Variants in MORC4 observed in about 807,000 individuals in gnomAD.
MORC4 encodes MORC family CW-type zinc finger 4.
Under a neutral mutation model 65.5 loss-of-function variants are expected in MORC4, and 22 were observed. That is an observed-to-expected ratio of 0.34 (90% CI 0.24 to 0.48). The LOEUF (loss-of-function observed/expected upper bound fraction) is 0.48, where lower values mean the gene tolerates loss of function less well. Among genes scored for constraint, MORC4 ranks in the 20% least tolerant of loss-of-function variants. The probability of loss-of-function intolerance (pLI) is 0.99; values close to 1 mark genes in which losing one functional copy is unlikely to be tolerated. For missense variants in MORC4, 624 were observed against 703.0 expected (o/e 0.89, Z 1.27); for synonymous variants, 267 against 255.8 (o/e 1.04, Z -0.42).
intron 9 of MORC4, among the ~76,000 whole-genome samples, chrX:106,976,130 A>G (rs1050288150): frequency 1.8e-5 from 2 of 111,917 alleles, no homozygotes; most frequent in African/African-American, 6.5e-5. Context: ...TGCCTGCCCT[A>G]TTAAATCTAG....
chrX:106,993,344 T>C lies in MORC4; in HGVS notation c.194A>G (p.Asp65Gly), dbSNP rs1935014970. The C allele has an allele frequency of 1.2e-5, 15 of 1,208,727 alleles. No individual in the cohort carries two copies. The highest frequency in any genetic ancestry group is 1.7e-5 in the Non-Finnish European group (15 of 893,734). ...TATAAAGACCGTCCTGGCAGATACA[T>C]CTGGATCTACAGCATTATCTGCAAA... Reference protein sequence around the residue: ...AELLDNAVDPDVSARTVFIDV... With the variant: ...AELLDNAVDPGVSARTVFIDV... The change falls in exon 3 of 17, where the codon GAT becomes GGT. Residue 65 changes from aspartate (D) to glycine (G), a missense_variant. By Grantham distance (94) the Asp-to-Gly change is moderately conservative. Coordinates refer to ENST00000355610, the MANE Select transcript of MORC4 (RefSeq NM_024657.5).
In MORC4 at chrX:106,976,600, A is replaced by G. The variant is rs775847903; in HGVS notation, c.1141T>C (p.Tyr381His). ...KPAYNKQDFEYTKEYRLTINA... is the reference protein window; with the variant it reads ...KPAYNKQDFEHTKEYRLTINA... The stretch of plus-strand genomic sequence containing the variant: ...GTGACTCACCGGTACTCCTTGGTAT[A>G]CTCAAAGTCTTGTTTGTTGTAGGCA... The change falls in exon 9 of 17, where the codon TAT becomes CAT. Residue 381 changes from tyrosine (Y) to histidine (H), a missense_variant. Tyr to His is a moderately conservative substitution (Grantham distance 83). Coordinates refer to ENST00000355610, the MANE Select transcript of MORC4 (RefSeq NM_024657.5). 2 of 1,203,405 alleles carry G rather than the reference A, an allele frequency of 1.7e-6. No individual in the cohort carries two copies. Among genetic ancestry groups the G allele is most frequent in the Non-Finnish European group, 2.3e-6 (2 of 888,269 alleles).
chrX:106,975,348 T>TAATGGA (rs1934600698), intron 9 of MORC4, among the ~76,000 whole-genome samples: 1 of 111,286 alleles, frequency 9.0e-6, no homozygotes, highest in Non-Finnish European at 1.9e-5. Flanking sequence ...AAGATTTCCA[T>TAATGGA]TATGGGCCAG....
chrX:106,948,291 C>T (rs890936613), intron 14 of MORC4, among the ~76,000 whole-genome samples: 2 of 111,268 alleles, frequency 1.8e-5, no homozygotes, highest in African/African-American at 6.5e-5. Flanking sequence ...TACTATCTGG[C>T]GTCATTTCCT....
intron 13 of MORC4, 127 bp from the exon 14 acceptor site, chrX:106,955,215 C>A (rs1934078324): frequency 2.0e-6 from 1 of 501,568 alleles, no homozygotes; most frequent in Admixed American, 4.2e-5. Flanking sequence ...CTACACAAAA[C>A]AAACAGTGTG....
Position 106,978,094 on chromosome X carries a change from C to T in MORC4, c.1042G>A (p.Gly348Arg). Residue 348 changes from glycine (G) to arginine (R), a missense_variant, in exon 8 of 17, where the codon GGG becomes AGG. Transcript: ENST00000355610. The part of the protein sequence containing the change: ...NRLIKSFEKV[G>R]CQVKPTRGEG... ...TAACTACTCACCTTCACCTGGCACC[C>T]CACCTTCTCAAAAGATTTTATGAGT... is the stretch of plus-strand genomic sequence containing the variant. 1 of 1,209,055 alleles carries T rather than the reference C, an allele frequency of 8.3e-7. No individual in the cohort carries two copies. Among genetic ancestry groups the T allele is most frequent in the Non-Finnish European group, 1.1e-6 (1 of 893,747 alleles).
chrX:106,951,143 T>C (rs1344822062), intron 14 of MORC4, among the ~76,000 whole-genome samples: 1 of 111,751 alleles, frequency 8.9e-6, no homozygotes. Flanking sequence ...TCTTATTCAT[T>C]TGCAAAATTG....
rs774114387 is a variant in MORC4, at chrX:106,993,837, C to T, written c.176-475G>A. On this transcript the variant is annotated intron_variant, in intron 2 of 16. Transcript: ENST00000355610. Reference sequence around the variant, plus strand: ...TTGTGATCATTTTATTTTCTTCTTTCTTACATCACCTCCTCTGTTAAAGAA... The same window carrying T: ...TTGTGATCATTTTATTTTCTTCTTTTTTACATCACCTCCTCTGTTAAAGAA... 2.7e-5 allele frequency among the ~76,000 whole-genome samples: 3 copies of T among 112,090 alleles called. No individual in the cohort carries two copies. The South Asian group carries it at 1.1e-3, about 42-fold the overall frequency.
chrX:106,955,073 G>A lies in MORC4; in HGVS notation c.1525C>T (p.Pro509Ser). The change falls in exon 14 of 17, where the codon CCA (proline) becomes TCA (serine). Residue 509 changes from proline to serine, a missense_variant. By Grantham distance (74) the Pro-to-Ser change is moderately conservative. Coordinates refer to ENST00000355610, the MANE Select transcript of MORC4 (RefSeq NM_024657.5). ...ATTTCTTGAACAGTAAGGATCTTTG[G>A]TGGATTACTGAATACCTATAAAAGA... ...NENHQVFSNP[P>S]KILTVQEMAG... 4.2e-6 allele frequency: 5 copies of A among 1,191,654 alleles called. No individual in the cohort carries two copies. Among genetic ancestry groups the A allele is most frequent in the African/African-American group, 1.8e-5 (1 of 56,964 alleles).
intron 9 of MORC4, among the ~76,000 whole-genome samples, chrX:106,965,024 A>G (rs971867516): frequency 2.8e-5 from 3 of 105,736 alleles, no homozygotes; most frequent in Non-Finnish European, 5.8e-5. Context: ...AAAAAAAAAA[A>G]GAAAGAAAAG....
chrX:106,993,780 A>G (rs1314197939), intron 2 of MORC4, among the ~76,000 whole-genome samples: 2 of 112,503 alleles, frequency 1.8e-5, no homozygotes, highest in African/African-American at 6.5e-5. Flanking sequence ...CTTTGGTAAA[A>G]GATGATGCAT....
At chrX:106,954,856 T>C in intron 14 of MORC4, 57 bp downstream of exon 14, 2 of 1,086,488 alleles carry the variant, frequency 1.8e-6, no homozygotes, top group Non-Finnish European at 2.5e-6. Context: ...CAACTTACTC[T>C]ACAGGAAAAC....
In MORC4 at chrX:106,985,251, C is replaced by T; in HGVS notation, c.527-8G>A. The T allele has an allele frequency of 9.0e-7, 1 of 1,106,928 alleles. No homozygotes were observed. The highest frequency in any genetic ancestry group is 1.2e-6 in the Non-Finnish European group (1 of 823,207). The allele number at this position is 1,106,928 out of a possible 1,213,427, so 91.2% of individuals were successfully genotyped here. ...CGGTAATAATCATTTTTTGTAAAAT[C>T]AAATATAGTCAAAGAAAAAATAATA... On this transcript the variant is annotated splice_region_variant and splice_polypyrimidine_tract_variant and intron_variant, in intron 4 of 16. Coordinates refer to ENST00000355610, the MANE Select transcript of MORC4 (RefSeq NM_024657.5).
At chrX:106,962,216 G>C in intron 9 of MORC4, 106 bp from the exon 10 acceptor site, 1 of 564,459 alleles carries the variant, frequency 1.8e-6, no homozygotes, top group Non-Finnish European at 2.9e-6. Context: ...AGAGTATCTG[G>C]CATATTTTTG....
chrX:106,969,565 T>C (rs1382418250), intron 9 of MORC4, among the ~76,000 whole-genome samples: 1 of 111,330 alleles, frequency 9.0e-6, no homozygotes, highest in African/African-American at 3.3e-5. Flanking sequence ...AGCAACGAAA[T>C]AGACAGACTG....
Position 106,996,469 on chromosome X carries a change from G to C in MORC4, c.176-3107C>G, listed in dbSNP as rs1283617325. On this transcript the variant is annotated intron_variant, in intron 2 of 16. Coordinates refer to ENST00000355610, the MANE Select transcript of MORC4 (RefSeq NM_024657.5). ...ATGAAATTACAATAATAATAAGGCT[G>C]GCCTCAATAAATGAACTTATGATAA... is the stretch of plus-strand genomic sequence containing the variant. Among the ~76,000 whole-genome samples the C allele has an allele frequency of 3.6e-4, 40 of 110,741 alleles. No individual in the cohort carries two copies. In the Admixed American group the frequency reaches 3.8e-3, roughly 11 times the overall value.
In MORC4 at chrX:106,981,425, G is replaced by C. The variant is rs1934738570; in HGVS notation, c.727C>G (p.Leu243Val). 1.7e-6 allele frequency: 2 copies of C among 1,200,700 alleles called. No individual in the cohort carries two copies. The highest frequency in any genetic ancestry group is 3.5e-5 in the African/African-American group (2 of 56,847). The change falls in exon 6 of 17, where the codon CTG becomes GTG. Residue 243 changes from leucine to valine, a missense_variant. Coordinates refer to ENST00000355610, the MANE Select transcript of MORC4 (RefSeq NM_024657.5). ...LDFDTDQYDILVSDFDTEEKM... is the reference protein window; with the variant it reads ...LDFDTDQYDIVVSDFDTEEKM... ...TCTTCTGTGTCAAAGTCTGATACCA[G>C]GATGTCATATTGATCTGTATCAAAG...
rs1429112386 is a variant in MORC4 at position 106,995,084 on chromosome X, G to C, written c.176-1722C>G. On this transcript the variant is annotated intron_variant, in intron 2 of 16. Transcript: ENST00000355610. ...CATCCTACAGTGCTATAAAACATTA[G>C]AACTTATTTCTTTTATCTTAGTTGT... Among the ~76,000 whole-genome samples the C allele has an allele frequency of 2.7e-5, 3 of 111,177 alleles. No homozygotes were observed. The Admixed American group carries it at 2.9e-4, about 11-fold the overall frequency.
chrX:106,964,955 C>T (rs1413008177), intron 9 of MORC4, among the ~76,000 whole-genome samples: 1 of 108,390 alleles, frequency 9.2e-6, no homozygotes, highest in Non-Finnish European at 1.9e-5. Flanking sequence ...TTGTAGTGAG[C>T]CAAGATGGTG....
Sources: gnomAD v4.1 joint callset for allele counts (sites outside exome capture counted in the v4.1 genomes callset) on GRCh38, gnomAD v4.1.1 for gene constraint, MANE v1.5 for transcripts, NCBI Gene and HGNC (gene_info 2026-07-23, HGNC 2026-07-21) for gene names.